RASD2: variants seen among roughly 807,000 people sequenced by gnomAD.
RASD2 encodes GTP-binding protein Rhes.
RASD2 carries 7 observed loss-of-function variants against 15.8 expected under a neutral mutation model. The ratio of observed to expected loss-of-function variants is 0.44; its 90% confidence interval spans 0.25 to 0.83. RASD2 has a LOEUF of 0.83. Ranked by LOEUF, RASD2 falls within the 40% of genes least tolerant of loss-of-function variation. The pLI is 0.20. For synonymous variants in RASD2, 155 were observed against 153.6 expected, an observed-to-expected ratio of 1.01 and a Z score of -0.07; for missense variants, 274 against 382.8, an observed-to-expected ratio of 0.72 and a Z score of 2.37.
At chr22:35,542,784 C>T (rs1039355742) in intron 1 of RASD2, among the ~76,000 whole-genome samples, 1 of 152,116 alleles carries the variant, frequency 6.6e-6, no homozygotes, top group Non-Finnish European at 1.5e-5. Context: ...TCAGGCAGGC[C>T]CTGGGAGAGA....
At position 35,552,238 on chromosome 22, in the gene RASD2, T is replaced by A; in HGVS notation, c.*206T>A. The A allele has an allele frequency of 1.6e-6, 1 of 642,926 alleles. No individual in the cohort carries two copies. The highest frequency in any genetic ancestry group is 2.6e-6 in the Non-Finnish European group (1 of 379,198). The allele number at this position is 642,926 out of a possible 1,614,324, so 39.8% of individuals were successfully genotyped here. A position where few individuals can be genotyped will look rare whatever the true frequency, so the allele number is the denominator to read the frequency against. ...AGTCCGCTTGTCCACAGCTCCTTGG[T>A]GGTTTCATCTCCTCTGTGGGAGGAC... On this transcript the variant is annotated 3_prime_UTR_variant, in exon 3 of 3. Transcript: ENST00000216127.
At chr22:35,540,505 C>T (rs1181605815), upstream of RASD2, among the ~76,000 whole-genome samples, 1 of 150,652 alleles carries the variant, frequency 6.6e-6, no homozygotes, top group African/African-American at 2.4e-5. Flanking sequence ...GACGCTGGCG[C>T]TGGGCGGCGG....
chr22:35,545,562 G>A lies in RASD2; in HGVS notation c.-9-1239G>A, dbSNP rs533118428. Among the ~76,000 whole-genome samples, 7 of 152,260 alleles carry A rather than the reference G, an allele frequency of 4.6e-5. No individual in the cohort carries two copies. The East Asian group carries it at 1.2e-3, about 25-fold the overall frequency. On this transcript the variant is annotated intron_variant, in intron 1 of 2. Transcript: ENST00000216127. Reference sequence around the variant, plus strand: ...TGTGGCAGCCTGTGGAAGACCTAGGGGATTGATATTTCAGCAGGCCTGTGC... The same window carrying A: ...TGTGGCAGCCTGTGGAAGACCTAGGAGATTGATATTTCAGCAGGCCTGTGC...
the RASD2 span, among the ~76,000 whole-genome samples, chr22:35,534,004 T>C: frequency 2.6e-5 from 4 of 151,858 alleles, no homozygotes. Context: ...ATGATGGTGA[T>C]AGTGATGGTA....
intron 2 of RASD2, among the ~76,000 whole-genome samples, chr22:35,548,862 C>T (rs1210263757): frequency 1.3e-5 from 2 of 152,204 alleles, no homozygotes; most frequent in Non-Finnish European, 2.9e-5. Context: ...GGCTTAACCT[C>T]ATACCCCGCA....
Position 35,552,598 on chromosome 22 carries a change from CTG to C in RASD2, c.*570_*571del, listed in dbSNP as rs1266227032. ...GCGCCTGACATTGAGCCAGTGGACTCTGTGTCTGAAGGGGGCGTGGCCACACC... is the reference window on the plus strand; with the variant it reads ...GCGCCTGACATTGAGCCAGTGGACTCTGTCTGAAGGGGGCGTGGCCACACC... On this transcript the variant is annotated 3_prime_UTR_variant, in exon 3 of 3. Transcript: ENST00000216127. 2.6e-5 allele frequency: 4 copies of C among 154,088 alleles called. No homozygotes were observed. Among genetic ancestry groups the C allele is most frequent in the Admixed American group, 1.9e-4 (3 of 15,506 alleles). 9.5% of individuals were successfully genotyped at this position (154,088 alleles called of 1,614,324 possible). A position where few individuals can be genotyped will look rare whatever the true frequency, so the allele number is the denominator to read the frequency against.
In RASD2 at chr22:35,552,273, C is replaced by T. The variant is rs898029649; in HGVS notation, c.*241C>T. 8.7e-6 allele frequency: 5 copies of T among 577,728 alleles called. No homozygotes were observed. Among genetic ancestry groups the T allele is most frequent in the South Asian group, 2.3e-5 (1 of 43,504 alleles). The allele number at this position is 577,728 out of a possible 1,614,324, so 35.8% of individuals were successfully genotyped here. A position where few individuals can be genotyped will look rare whatever the true frequency, so the allele number is the denominator to read the frequency against. On this transcript the variant is annotated 3_prime_UTR_variant, in exon 3 of 3. Transcript: ENST00000216127. ...TCCTCTGTGGGAGGACACATCTCTG[C>T]AGCCTCAAGAGTTAGGCAGAGACTC...
At position 35,552,050 on chromosome 22, in the gene RASD2, G is replaced by A. The variant is rs1569104242; in HGVS notation, c.*18G>A. The A allele has an allele frequency of 1.9e-6, 3 of 1,586,638 alleles. No individual in the cohort carries two copies. Among genetic ancestry groups the A allele is most frequent in the East Asian group, 2.2e-5 (1 of 44,604 alleles). On this transcript the variant is annotated 3_prime_UTR_variant, in exon 3 of 3. Coordinates refer to ENST00000216127, the MANE Select transcript of RASD2 (RefSeq NM_014310.4). The stretch of plus-strand genomic sequence containing the variant: ...TCCAGTGAGCGAGGGATGCTGGGGC[G>A]GGGCTTGGCCAGTGCCTTCAGGGAG...
rs935899886 is a variant in RASD2, at chr22:35,541,230, C to T, written c.-280C>T. On this transcript the variant is annotated 5_prime_UTR_variant, in exon 1 of 3. Transcript: ENST00000216127. ...CCCCCGGCTCGGGGCAGGGCAGGGC[C>T]GGCGGCGGCGAGCCGGAGCCCGCCC... The T allele has an allele frequency of 6.6e-6, 1 of 151,782 alleles. No homozygotes were observed. The highest frequency in any genetic ancestry group is 2.4e-5 in the African/African-American group (1 of 41,370). 9.4% of individuals were successfully genotyped at this position (151,782 alleles called of 1,614,324 possible).
chr22:35,548,440 C>A (rs1241135871), intron 2 of RASD2, among the ~76,000 whole-genome samples: 2 of 152,198 alleles, frequency 1.3e-5, no homozygotes, highest in African/African-American at 4.8e-5. Context: ...AGTGGGCCTG[C>A]TACGGGTTAC....
intron 1 of RASD2, among the ~76,000 whole-genome samples, chr22:35,543,777 C>G (rs539034706): frequency 1.3e-5 from 2 of 152,010 alleles, no homozygotes; most frequent in South Asian, 4.2e-4. Context: ...TTATTTCTGA[C>G]TCCTTGCCTC....
At chr22:35,532,911 G>T in the RASD2 span, among the ~76,000 whole-genome samples, 1 of 152,208 alleles carries the variant, frequency 6.6e-6, no homozygotes, top group Non-Finnish European at 1.5e-5. Flanking sequence ...TGCATGGGAG[G>T]TGGTTCCTGT....
At chr22:35,547,509 G>T (rs115348777) in intron 2 of RASD2, among the ~76,000 whole-genome samples, 2,143 of 152,342 alleles carry the variant, frequency 0.014, 49 homozygotes, top group African/African-American at 0.05. Flanking sequence ...GCAGGACCCA[G>T]GCAGTGATCA....
chr22:35,547,124 A>T, intron 2 of RASD2, 44 bp downstream of exon 2: 2 of 1,577,218 alleles, frequency 1.3e-6, no homozygotes, highest in Non-Finnish European at 1.7e-6. Flanking sequence ...GGGCCAGGGC[A>T]TGGGTGCGGA....
upstream of RASD2, among the ~76,000 whole-genome samples, chr22:35,540,489 G>A (rs1466810504): frequency 2.0e-5 from 3 of 150,444 alleles, no homozygotes; most frequent in Non-Finnish European, 3.0e-5. Flanking sequence ...CGGGCTCTGG[G>A]GGGCAGACGC....
At chr22:35,549,041 T>A (rs1478011925) in intron 2 of RASD2, among the ~76,000 whole-genome samples, 1 of 152,188 alleles carries the variant, frequency 6.6e-6, no homozygotes, top group African/African-American at 2.4e-5. Context: ...AGGAAGCACA[T>A]GCATATTTTC....
intron 2 of RASD2, 141 bp downstream of exon 2, chr22:35,547,221 G>A: frequency 8.7e-7 from 1 of 1,149,012 alleles, no homozygotes; most frequent in Non-Finnish European, 1.2e-6. Context: ...GCTCAGAGAG[G>A]TTTTGCCATG....
chr22:35,550,313 C>T (rs566429566), intron 2 of RASD2, among the ~76,000 whole-genome samples: 5 of 151,366 alleles, frequency 3.3e-5, no homozygotes, highest in East Asian at 1.9e-4. Flanking sequence ...TGGTGACAGG[C>T]GCCTGTAATC....
chr22:35,543,821 CTT>C (rs1934418248), intron 1 of RASD2, among the ~76,000 whole-genome samples: 1 of 149,076 alleles, frequency 6.7e-6, no homozygotes, highest in Admixed American at 6.6e-5. Context: ...CTCTCTGACT[CTT>C]TGCCTCCTCT....
Sources: gnomAD v4.1 joint callset for allele counts (sites outside exome capture counted in the v4.1 genomes callset) on GRCh38, gnomAD v4.1.1 for gene constraint, MANE v1.5 for transcripts, NCBI Gene and HGNC (gene_info 2026-07-23, HGNC 2026-07-21) for gene names.